The following GNAQ variants were observed in gnomAD, a reference collection of about 807,000 sequenced individuals.
The protein encoded by GNAQ is G protein subunit alpha q.
A neutral mutation model predicts 43.9 loss-of-function variants in GNAQ; 8 were observed. The observed-to-expected ratio is 0.18, with a 90% CI of 0.11 to 0.33. The LOEUF (loss-of-function observed/expected upper bound fraction) is 0.33. Among genes scored for constraint, GNAQ ranks in the 10% least tolerant of loss-of-function variants. The probability of loss-of-function intolerance (pLI) is 1.00; values close to 1 mark genes in which losing one functional copy is unlikely to be tolerated. For missense variants in GNAQ, 158 were observed against 450.8 expected (o/e 0.35, Z 5.88); for synonymous variants, 155 against 170.7 (o/e 0.91, Z 0.71).
intron 5 of GNAQ, among the ~76,000 whole-genome samples, chr9:77,765,728 A>G (rs760444845): frequency 3.3e-5 from 5 of 152,220 alleles, no homozygotes; most frequent in Non-Finnish European, 5.9e-5. Context: ...AAATACAATC[A>G]CCATATGCTC....
intron 1 of GNAQ, among the ~76,000 whole-genome samples, chr9:77,923,408 A>T (rs866141552): frequency 3.3e-5 from 5 of 152,186 alleles, no homozygotes; most frequent in Non-Finnish European, 4.4e-5. Flanking sequence ...CGTTACCATA[A>T]GCCTGAAGGT....
chr9:78,002,439 G>A (rs990163863), intron 1 of GNAQ, among the ~76,000 whole-genome samples: 1 of 152,186 alleles, frequency 6.6e-6, no homozygotes, highest in African/African-American at 2.4e-5. Flanking sequence ...CTGGTTGCTA[G>A]TTTTACTAGC....
chr9:77,871,950 T>A (rs1454565733), intron 2 of GNAQ, among the ~76,000 whole-genome samples: 1 of 152,224 alleles, frequency 6.6e-6, no homozygotes, highest in African/African-American at 2.4e-5. Context: ...AAAACATTGC[T>A]ATGCCCTAAA....
intron 4 of GNAQ, among the ~76,000 whole-genome samples, chr9:77,797,304 A>G (rs989766341): frequency 2.0e-5 from 3 of 152,240 alleles, no homozygotes; most frequent in Non-Finnish European, 4.4e-5. Flanking sequence ...AAGTGCTGGG[A>G]TAACAGGCGT....
intron 1 of GNAQ, 103 bp from the exon 2 acceptor site, chr9:77,922,448 C>T (rs1829013155): frequency 1.3e-6 from 1 of 770,250 alleles, no homozygotes; most frequent in African/African-American, 1.7e-5. Context: ...CCCAGATAGC[C>T]TGCTGAGAGG....
chr9:77,734,702 C>T (rs997203857), intron 5 of GNAQ, among the ~76,000 whole-genome samples: 50 of 152,100 alleles, frequency 3.3e-4, no homozygotes, highest in Non-Finnish European at 3.5e-4. Flanking sequence ...AGTCAGGTGA[C>T]TGTGATTCTG....
intron 2 of GNAQ, among the ~76,000 whole-genome samples, chr9:77,903,280 T>G (rs1390435150): frequency 6.6e-6 from 1 of 152,172 alleles, no homozygotes; most frequent in East Asian, 1.9e-4. Flanking sequence ...AATGCCCAGC[T>G]GCCTGATGGA....
intron 5 of GNAQ, among the ~76,000 whole-genome samples, chr9:77,779,166 G>C (rs905536162): frequency 1.3e-5 from 2 of 151,538 alleles, no homozygotes; most frequent in African/African-American, 4.8e-5. Flanking sequence ...CCACATTATG[G>C]GCCATAAAAG....
At chr9:77,741,185 C>T (rs988723892) in intron 5 of GNAQ, among the ~76,000 whole-genome samples, 5 of 152,078 alleles carry the variant, frequency 3.3e-5, no homozygotes, top group Non-Finnish European at 7.3e-5. Flanking sequence ...TGGTGTAAAA[C>T]AGCATTGAAT....
At chr9:77,921,100 T>TA (rs1828989689) in intron 2 of GNAQ, among the ~76,000 whole-genome samples, 2 of 152,196 alleles carry the variant, frequency 1.3e-5, no homozygotes, top group South Asian at 4.1e-4. Flanking sequence ...AAAATAATTA[T>TA]AGGTATAAAT....
chr9:77,949,789 C>T (rs1040514155), intron 1 of GNAQ, among the ~76,000 whole-genome samples: 1 of 152,168 alleles, frequency 6.6e-6, no homozygotes, highest in Non-Finnish European at 1.5e-5. Flanking sequence ...GGAAACTTTT[C>T]CATATTTCCC....
At chr9:77,853,198 A>C (rs542012721) in intron 2 of GNAQ, among the ~76,000 whole-genome samples, 4 of 152,250 alleles carry the variant, frequency 2.6e-5, no homozygotes, top group Non-Finnish European at 2.9e-5. Flanking sequence ...AGAAGAACAA[A>C]GAGAATTTGT....
chr9:77,897,713 AC>A (rs1318515839), intron 2 of GNAQ, among the ~76,000 whole-genome samples: 2 of 152,110 alleles, frequency 1.3e-5, no homozygotes, highest in South Asian at 2.1e-4. Context: ...CACCAAAAAA[AC>A]GTATGTTTGA....
In GNAQ at chr9:77,786,277, C is replaced by G. The variant is rs12351596; in HGVS notation, c.735+8186G>C. 5.5e-3 allele frequency among the ~76,000 whole-genome samples: 822 copies of G among 149,610 alleles called. 3 individuals carry two copies. Among genetic ancestry groups the G allele is most frequent in the African/African-American group, 0.018 (741 of 40,478 alleles). ...CCTGTAGTCCCAGCTACTTGGCAAG[C>G]TGAGGCAGGAGAATGGCGTGAACCC... is the stretch of plus-strand genomic sequence containing the variant. On this transcript the variant is annotated intron_variant, in intron 5 of 6. Coordinates refer to ENST00000286548, the MANE Select transcript of GNAQ (RefSeq NM_002072.5).
chr9:78,014,395 C>T (rs559711175), intron 1 of GNAQ, among the ~76,000 whole-genome samples: 1 of 152,174 alleles, frequency 6.6e-6, no homozygotes, highest in Admixed American at 6.5e-5. Context: ...CAGGCCTAGA[C>T]GGGCAGATCA....
intron 1 of GNAQ, among the ~76,000 whole-genome samples, chr9:77,948,608 C>A (rs188183884): frequency 2.2e-3 from 335 of 152,256 alleles, no homozygotes; most frequent in African/African-American, 7.5e-3. Context: ...GTGGGCAGAG[C>A]ACAGCAGAAA....
intron 2 of GNAQ, among the ~76,000 whole-genome samples, chr9:77,879,406 G>C (rs1017042715): frequency 6.6e-6 from 1 of 152,032 alleles, no homozygotes; most frequent in East Asian, 1.9e-4. Context: ...TGGGATTAGA[G>C]GCACCCACCA....
intron 1 of GNAQ, among the ~76,000 whole-genome samples, chr9:77,954,063 A>G (rs1202687781): frequency 6.6e-6 from 1 of 152,214 alleles, no homozygotes; most frequent in African/African-American, 2.4e-5. Context: ...TTGAAACTCT[A>G]ACATGAAAAC....
chr9:77,875,513 C>T (rs750170772), intron 2 of GNAQ, among the ~76,000 whole-genome samples: 9 of 152,294 alleles, frequency 5.9e-5, no homozygotes, highest in Admixed American at 3.3e-4. Context: ...TATGGATTTG[C>T]TTCACGCAAA....
Sources: gnomAD v4.1 joint callset for allele counts (sites outside exome capture counted in the v4.1 genomes callset) on GRCh38, gnomAD v4.1.1 for gene constraint, MANE v1.5 for transcripts, NCBI Gene and HGNC (gene_info 2026-07-23, HGNC 2026-07-21) for gene names.